Variants in GNB4 observed in about 807,000 individuals in gnomAD.
GNB4 encodes G protein subunit beta 4.
GNB4 carries 28 observed loss-of-function variants against 45.2 expected under a neutral mutation model. The ratio of observed to expected loss-of-function variants is 0.62; its 90% CI spans 0.46 to 0.85. The LOEUF is 0.85. Ranked by LOEUF, GNB4 falls within the 40% of genes least tolerant of loss-of-function variation. The probability of loss-of-function intolerance (pLI) is 0.00; values close to 1 mark genes in which losing one functional copy is unlikely to be tolerated. For synonymous variants in GNB4, 132 were observed against 143.7 expected, an observed-to-expected ratio of 0.92 and a Z score of 0.58; for missense variants, 321 against 425.4, an observed-to-expected ratio of 0.75 and a Z score of 2.16.
chr3:179,515,749 G>A, the GNB4 span, among the ~76,000 whole-genome samples: 41 of 152,136 alleles, frequency 2.7e-4, no homozygotes, highest in African/African-American at 9.6e-4. Context: ...GAAGTGTTGG[G>A]GCAGCAAAAA....
chr3:179,499,434 C>A, the GNB4 span, among the ~76,000 whole-genome samples: 1 of 152,168 alleles, frequency 6.6e-6, no homozygotes. Context: ...GCCGGGATTA[C>A]AGGCTTGAGC....
chr3:179,522,412 C>A, the GNB4 span, among the ~76,000 whole-genome samples: 2 of 152,166 alleles, frequency 1.3e-5, no homozygotes, highest in Admixed American at 1.3e-4. Flanking sequence ...CCCGCCTGCA[C>A]CCAGTTGATT....
In GNB4 at chr3:179,399,193, T is replaced by C. The variant is rs1714209864; in HGVS notation, c.*2020A>G. On this transcript the variant is annotated 3_prime_UTR_variant, in exon 10 of 10. Transcript: ENST00000232564. ...TACAAATAAACATTAATAGCAAAAG[T>C]TCATATAATTTTTTTTTTTTCCAAT... The C allele has an allele frequency of 6.6e-6, 1 of 152,020 alleles. No homozygotes were observed. The highest frequency in any genetic ancestry group is 1.9e-4 in the East Asian group (1 of 5,196). 9.4% of individuals were successfully genotyped at this position (152,020 alleles called of 1,614,324 possible). A position where few individuals can be genotyped will look rare whatever the true frequency, so the allele number is the denominator to read the frequency against.
intron 9 of GNB4, among the ~76,000 whole-genome samples, chr3:179,401,668 C>T (rs1714307821): frequency 6.6e-6 from 1 of 152,154 alleles, no homozygotes; most frequent in Non-Finnish European, 1.5e-5. Flanking sequence ...CCAAATTTTG[C>T]TACTGAGCTA....
the GNB4 span, among the ~76,000 whole-genome samples, chr3:179,478,718 T>G: frequency 6.6e-6 from 1 of 152,126 alleles, no homozygotes; most frequent in Non-Finnish European, 1.5e-5. Flanking sequence ...TGATATGGTT[T>G]GGATCTGTGT....
intron 8 of GNB4, chr3:179,410,317 C>T (rs1414517771): frequency 6.6e-6 from 1 of 152,150 alleles, no homozygotes; most frequent in East Asian, 1.9e-4. Flanking sequence ...AGAACAAAAG[C>T]TGGTTCTCTG....
chr3:179,405,926 A>G (rs1463833999), intron 8 of GNB4: 2 of 152,264 alleles, frequency 1.3e-5, no homozygotes, highest in Non-Finnish European at 2.9e-5. Flanking sequence ...ATTATTAAAT[A>G]ACACTATTCA....
chr3:179,526,482 T>C, the GNB4 span, among the ~76,000 whole-genome samples: 4 of 152,216 alleles, frequency 2.6e-5, no homozygotes, highest in Non-Finnish European at 5.9e-5. Flanking sequence ...TGCAGAGATA[T>C]GATCAAATAT....
At chr3:179,446,587 AT>A (rs921446673) in intron 1 of GNB4, among the ~76,000 whole-genome samples, 39 of 151,880 alleles carry the variant, frequency 2.6e-4, no homozygotes, top group Admixed American at 1.4e-3. Flanking sequence ...TTTCAAATCT[AT>A]TTTTTTTAAG....
upstream of GNB4, among the ~76,000 whole-genome samples, chr3:179,453,139 T>A (rs573594213): frequency 2.9e-4 from 44 of 152,242 alleles, no homozygotes; most frequent in African/African-American, 9.9e-4. Context: ...TCTTTCTTTT[T>A]TTTGTTTGTT....
the GNB4 span, among the ~76,000 whole-genome samples, chr3:179,480,800 G>A: frequency 6.6e-6 from 1 of 151,184 alleles, no homozygotes; most frequent in South Asian, 2.1e-4. Context: ...GACACAGTAA[G>A]CATTTGCTAA....
At chr3:179,407,427 C>G (rs1002915215) in intron 8 of GNB4, among the ~76,000 whole-genome samples, 1 of 152,182 alleles carries the variant, frequency 6.6e-6, no homozygotes, top group Admixed American at 6.5e-5. Context: ...CCACTGCACT[C>G]CAGCCTGGGT....
the GNB4 span, among the ~76,000 whole-genome samples, chr3:179,479,604 C>T: frequency 6.6e-6 from 1 of 152,142 alleles, no homozygotes; most frequent in African/African-American, 2.4e-5. Flanking sequence ...CATGTACACA[C>T]ACACACAGTC....
chr3:179,416,984 T>C (rs1456295439), intron 4 of GNB4, among the ~76,000 whole-genome samples: 3 of 152,228 alleles, frequency 2.0e-5, no homozygotes, highest in African/African-American at 7.2e-5. Flanking sequence ...CAACGCAGGA[T>C]ACATCGCCTG....
At chr3:179,525,527 G>A in the GNB4 span, among the ~76,000 whole-genome samples, 39 of 150,084 alleles carry the variant, frequency 2.6e-4, 1 homozygote, top group South Asian at 6.3e-4. Flanking sequence ...AGGCAACCCC[G>A]CAATTGACTT....
the GNB4 span, among the ~76,000 whole-genome samples, chr3:179,485,985 G>A: frequency 4.6e-5 from 7 of 151,920 alleles, no homozygotes; most frequent in African/African-American, 1.7e-4. Flanking sequence ...AGCACTTTGG[G>A]AGGCCGAGGC....
chr3:179,495,667 GGAAGGAAA>G, the GNB4 span, among the ~76,000 whole-genome samples: 11 of 149,934 alleles, frequency 7.3e-5, no homozygotes, highest in South Asian at 6.3e-4. Flanking sequence ...AGGAAGGAAG[GGAAGGAAA>G]GAAGGAAAGA....
At chr3:179,455,308 G>A (rs748734813), upstream of GNB4, among the ~76,000 whole-genome samples, 8 of 152,142 alleles carry the variant, frequency 5.3e-5, no homozygotes, top group Non-Finnish European at 1.0e-4. Flanking sequence ...GGAAATCAGG[G>A]AATTCAGGTC....
chr3:179,452,452 G>T (rs1715909616), upstream of GNB4: 1 of 152,142 alleles, frequency 6.6e-6, no homozygotes, highest in Non-Finnish European at 1.5e-5. Context: ...CTGCAGAGGA[G>T]TTCTTTGTGG....
Sources: gnomAD v4.1 joint callset for allele counts (sites outside exome capture counted in the v4.1 genomes callset) on GRCh38, gnomAD v4.1.1 for gene constraint, MANE v1.5 for transcripts, NCBI Gene and HGNC (gene_info 2026-07-23, HGNC 2026-07-21) for gene names.